SDK1: variants seen among roughly 807,000 people sequenced by gnomAD.
The protein encoded by SDK1 is sidekick cell adhesion molecule 1.
SDK1 carries 157 observed loss-of-function variants against 245.5 expected under a neutral mutation model. That is an observed-to-expected ratio of 0.64 (90% confidence interval 0.56 to 0.73). The LOEUF (loss-of-function observed/expected upper bound fraction) is 0.73. Ranked by LOEUF, SDK1 falls within the 30% of genes least tolerant of loss-of-function variation. The probability of loss-of-function intolerance (pLI) is 0.00; values close to 1 mark genes in which losing one functional copy is unlikely to be tolerated. For missense variants in SDK1, 3,583 were observed against 3,002.3 expected, an observed-to-expected ratio of 1.19 and a Z score of -4.52; for synonymous variants, 1,647 against 1,278.5, an observed-to-expected ratio of 1.29 and a Z score of -6.15.
rs995900947 is a variant in SDK1, at chr7:4,056,109, CAATTGTA to C, written c.2911+4284_2911+4290del. Among the ~76,000 whole-genome samples, 325 of 149,576 alleles carry C rather than the reference CAATTGTA, an allele frequency of 2.2e-3. 2 individuals carry two copies. Among genetic ancestry groups the C allele is most frequent in the African/African-American group, 7.4e-3 (303 of 40,704 alleles). ...TTTAAAAATGTCTATTTCTCCTTTT[CAATTGTA>C]AATTTTATGTCTCAGAGAAAACTGG... On this transcript the variant is annotated intron_variant, in intron 19 of 44. Transcript: ENST00000404826.
chr7:3,435,487 C>T lies in SDK1; in HGVS notation c.298+133603C>T, dbSNP rs907387471. On this transcript the variant is annotated intron_variant, in intron 1 of 44. Transcript: ENST00000404826. ...CTGGGACTACAGGCACAGACAGTCA[C>T]GCCCAGCTAATTATTATGATTATGA... Among the ~76,000 whole-genome samples the T allele has an allele frequency of 1.1e-4, 17 of 150,808 alleles. 1 individual carries two copies. Among genetic ancestry groups the T allele is most frequent in the South Asian group, 8.4e-4 (4 of 4,778 alleles).
chr7:3,592,949 G>A (rs1294556492), intron 1 of SDK1, among the ~76,000 whole-genome samples: 6 of 152,160 alleles, frequency 3.9e-5, no homozygotes, highest in African/African-American at 2.4e-5. Flanking sequence ...GGCTTGCAGG[G>A]CATTGGGCAG....
chr7:3,391,275 T>G (rs1490485154), intron 1 of SDK1, among the ~76,000 whole-genome samples: 1 of 152,180 alleles, frequency 6.6e-6, no homozygotes, highest in Non-Finnish European at 1.5e-5. Context: ...AGTCAACTCT[T>G]AAAAATGACT....
intron 9 of SDK1, among the ~76,000 whole-genome samples, chr7:3,967,014 A>G (rs1383418148): frequency 6.6e-6 from 1 of 152,178 alleles, no homozygotes; most frequent in East Asian, 1.9e-4. Flanking sequence ...TGGCTGATCT[A>G]AATAAATGCC....
intron 35 of SDK1, among the ~76,000 whole-genome samples, chr7:4,185,585 C>G (rs1262161357): frequency 6.6e-6 from 1 of 152,184 alleles, no homozygotes; most frequent in Non-Finnish European, 1.5e-5. Flanking sequence ...TCCCATGCAG[C>G]CCTGCATCCA....
intron 1 of SDK1, among the ~76,000 whole-genome samples, chr7:3,467,129 C>T (rs922401675): frequency 6.6e-6 from 1 of 151,814 alleles, no homozygotes; most frequent in Non-Finnish European, 1.5e-5. Context: ...TTTTATACTT[C>T]TTTATACTTG....
At chr7:4,189,854 T>C (rs1381398787) in intron 35 of SDK1, among the ~76,000 whole-genome samples, 1 of 152,242 alleles carries the variant, frequency 6.6e-6, no homozygotes, top group Non-Finnish European at 1.5e-5. Context: ...CTGGTGTACA[T>C]GTGGCTGTGG....
intron 1 of SDK1, among the ~76,000 whole-genome samples, chr7:3,346,864 T>C (rs1421050426): frequency 7.9e-6 from 1 of 127,230 alleles, no homozygotes; most frequent in Non-Finnish European, 1.6e-5. Context: ...TATAGCAGTG[T>C]TTTGCTATGT....
At chr7:3,522,704 C>T (rs893446323) in intron 1 of SDK1, among the ~76,000 whole-genome samples, 6 of 152,068 alleles carry the variant, frequency 3.9e-5, no homozygotes, top group African/African-American at 1.4e-4. Context: ...AACCGGGGGA[C>T]GTGCTATCCT....
chr7:3,340,911 A>G (rs1446058080), intron 1 of SDK1, among the ~76,000 whole-genome samples: 1 of 152,190 alleles, frequency 6.6e-6, no homozygotes, highest in Non-Finnish European at 1.5e-5. Context: ...AGATGGTTTC[A>G]CTGGACAATT....
intron 30 of SDK1, 99 bp downstream of exon 30, chr7:4,149,562 G>T: frequency 1.3e-6 from 1 of 756,396 alleles, no homozygotes; most frequent in Non-Finnish European, 2.0e-6. Flanking sequence ...GGCCAAGCAG[G>T]TGCACCCCTG....
intron 1 of SDK1, among the ~76,000 whole-genome samples, chr7:3,538,045 T>C (rs1201372028): frequency 2.6e-5 from 4 of 152,310 alleles, no homozygotes; most frequent in African/African-American, 9.6e-5. Flanking sequence ...GGAGTCTTTC[T>C]TATTTTGGCT....
intron 5 of SDK1, among the ~76,000 whole-genome samples, chr7:3,926,618 GTCTGCCCACCTT>G (rs1221361706): frequency 6.6e-6 from 1 of 152,050 alleles, no homozygotes; most frequent in Admixed American, 6.5e-5. Context: ...GGCTCAAGCT[GTCTGCCCACCTT>G]GGCCTTCTAC....
intron 7 of SDK1, among the ~76,000 whole-genome samples, chr7:3,953,952 C>T (rs1306994818): frequency 1.3e-5 from 2 of 152,142 alleles, no homozygotes; most frequent in Admixed American, 1.3e-4. Flanking sequence ...AGATTATAAT[C>T]CCACGCCCTG....
rs189399802 is a variant in SDK1, at chr7:3,340,724, C to T, written c.298+38840C>T. 6.7e-5 allele frequency among the ~76,000 whole-genome samples: 10 copies of T among 149,468 alleles called. No homozygotes were observed. In the East Asian group the frequency reaches 1.2e-3, roughly 18 times the overall value. On this transcript the variant is annotated intron_variant, in intron 1 of 44. Transcript: ENST00000404826. ...CTTGCAGTGAGCTGAGATTGGACCA[C>T]TGCACTCCCTGGAGCCTGGGAAACA...
At chr7:3,316,157 AT>A (rs1471906442) in intron 1 of SDK1, among the ~76,000 whole-genome samples, 5 of 152,200 alleles carry the variant, frequency 3.3e-5, no homozygotes, top group African/African-American at 4.8e-5. Flanking sequence ...TTAAATTTAA[AT>A]ATACATAAAT....
At chr7:3,697,282 G>C (rs1371974399) in intron 4 of SDK1, among the ~76,000 whole-genome samples, 1 of 152,186 alleles carries the variant, frequency 6.6e-6, no homozygotes, top group Non-Finnish European at 1.5e-5. Context: ...AATTTGTGTA[G>C]TGCTAATTAC....
intron 1 of SDK1, among the ~76,000 whole-genome samples, chr7:3,334,652 T>C (rs1780153577): frequency 6.6e-6 from 1 of 152,146 alleles, no homozygotes; most frequent in South Asian, 2.1e-4. Flanking sequence ...TCTACTTTCC[T>C]GTCTTGCTGG....
chr7:3,484,335 A>T (rs1781611645), intron 1 of SDK1, among the ~76,000 whole-genome samples: 1 of 152,154 alleles, frequency 6.6e-6, no homozygotes. Context: ...TATTCACTGG[A>T]TGCGAAACCT....
Sources: gnomAD v4.1 joint callset for allele counts (sites outside exome capture counted in the v4.1 genomes callset) on GRCh38, gnomAD v4.1.1 for gene constraint, MANE v1.5 for transcripts, NCBI Gene and HGNC (gene_info 2026-07-23, HGNC 2026-07-21) for gene names.